The following ERICH5 variants were observed in gnomAD, a reference collection of about 807,000 sequenced individuals.
The protein encoded by ERICH5 is glutamate-rich protein 5.
In ERICH5, 24 loss-of-function variants were observed where a neutral mutation model predicts 28.0. The observed-to-expected ratio is 0.86, with a 90% CI of 0.62 to 1.21. The LOEUF is 1.21. ERICH5 is among the 50% of genes most tolerant of loss of function. The pLI, the probability that ERICH5 is intolerant of heterozygous loss-of-function variation, is 0.00. For missense variants in ERICH5, 421 were observed against 441.2 expected, an observed-to-expected ratio of 0.95 and a Z score of 0.41; for synonymous variants, 163 against 157.6, an observed-to-expected ratio of 1.03 and a Z score of -0.25.
intron 2 of ERICH5, among the ~76,000 whole-genome samples, chr8:98,091,960 CTTTTT>C (rs1563759747): frequency 1.2e-5 from 1 of 81,480 alleles, no homozygotes; most frequent in African/African-American, 4.3e-5. Context: ...TTCTTTCTTT[CTTTTT>C]TCTTTCTTTT....
At chr8:98,086,402 G>A (rs1815280202) in intron 1 of ERICH5, among the ~76,000 whole-genome samples, 1 of 152,182 alleles carries the variant, frequency 6.6e-6, no homozygotes, top group Non-Finnish European at 1.5e-5. Context: ...TTGATAGGCT[G>A]TTTGATATGA....
chr8:98,091,836 TTTTC>T (rs3074382), intron 2 of ERICH5, among the ~76,000 whole-genome samples: 6,015 of 106,960 alleles, frequency 0.056, 291 homozygotes, highest in Non-Finnish European at 0.06. Context: ...TTCTTTTTCT[TTTTC>T]TTTCTTTCTT....
chr8:98,074,807 G>T (rs1210096297), intron 1 of ERICH5, among the ~76,000 whole-genome samples: 2 of 152,102 alleles, frequency 1.3e-5, no homozygotes, highest in African/African-American at 2.4e-5. Flanking sequence ...CACAATTAAT[G>T]AACCAAATCT....
Position 98,064,659 on chromosome 8 carries a change from C to A in ERICH5, c.-11C>A, listed in dbSNP as rs1216187635. ...CGCGCAGGGCTGAGACAGGTGTCTG[C>A]GCTCCCCGCAATGGGCTGCTCCAGC... is the stretch of plus-strand genomic sequence containing the variant. On this transcript the variant is annotated 5_prime_UTR_variant, in exon 1 of 3. Transcript: ENST00000318528. 2 of 1,526,016 alleles carry A rather than the reference C, an allele frequency of 1.3e-6. No individual in the cohort carries two copies. Among genetic ancestry groups the A allele is most frequent in the African/African-American group, 1.4e-5 (1 of 72,750 alleles). 94.5% of individuals were successfully genotyped at this position (1,526,016 alleles called of 1,614,324 possible). A position where few individuals can be genotyped will look rare whatever the true frequency, so the allele number is the denominator to read the frequency against.
In ERICH5 at chr8:98,073,432, CTATATATATATATA is replaced by C. The variant is rs1185025027; in HGVS notation, c.58+8719_58+8732del. 1.3e-4 allele frequency among the ~76,000 whole-genome samples: 2 copies of C among 15,040 alleles called. 1 individual carries two copies. Among genetic ancestry groups the C allele is most frequent in the African/African-American group, 4.9e-4 (2 of 4,050 alleles). The allele number at this position is 15,040 out of a possible 152,430, so 9.9% of individuals were successfully genotyped here. ...TCTCTCTCTCTCTCTCTCTCTCTCT[CTATATATATATATA>C]TATATATATATATGTATATATATAT... On this transcript the variant is annotated intron_variant, in intron 1 of 2. Coordinates refer to ENST00000318528, the MANE Select transcript of ERICH5 (RefSeq NM_173549.3).
intron 1 of ERICH5, among the ~76,000 whole-genome samples, chr8:98,066,987 A>G (rs7006203): frequency 0.055 from 8,304 of 152,292 alleles, 718 homozygotes; most frequent in African/African-American, 0.18. Flanking sequence ...TTGGCATATA[A>G]TAGGTCCTCA....
intron 1 of ERICH5, among the ~76,000 whole-genome samples, chr8:98,068,080 C>T (rs899355493): frequency 5.3e-5 from 8 of 151,962 alleles, no homozygotes. Context: ...TGGTCTTGAA[C>T]TTCCAAGCTC....
At chr8:98,069,803 T>C (rs1220381566) in intron 1 of ERICH5, among the ~76,000 whole-genome samples, 2 of 152,142 alleles carry the variant, frequency 1.3e-5, no homozygotes, top group African/African-American at 2.4e-5. Flanking sequence ...TCTGTAAGAC[T>C]TGAAGCAGTT....
chr8:98,076,017 C>T (rs1815046717), intron 1 of ERICH5, among the ~76,000 whole-genome samples: 1 of 151,894 alleles, frequency 6.6e-6, no homozygotes, highest in Non-Finnish European at 1.5e-5. Flanking sequence ...TGAGGTGGGT[C>T]TGTCCACCCC....
Position 98,085,317 on chromosome 8 carries a change from C to T in ERICH5, c.59-3759C>T, listed in dbSNP as rs564652652. Among the ~76,000 whole-genome samples, 32 of 151,940 alleles carry T rather than the reference C, an allele frequency of 2.1e-4. No homozygotes were observed. In the East Asian group the frequency reaches 5.8e-3, roughly 28 times the overall value. On this transcript the variant is annotated intron_variant, in intron 1 of 2. Transcript: ENST00000318528. ...CTGGGACTGCAGGCGCCCGCCACCA[C>T]GCCCTGCTAATTTTTTTTTGTATTT...
intron 2 of ERICH5, among the ~76,000 whole-genome samples, chr8:98,091,788 A>G (rs1815386869): frequency 6.6e-6 from 1 of 151,812 alleles, no homozygotes; most frequent in African/African-American, 2.4e-5. Flanking sequence ...CCCCTGGACC[A>G]CCCTTTGATT....
chr8:98,070,660 CAAAAAA>C (rs769042472), intron 1 of ERICH5, among the ~76,000 whole-genome samples: 9 of 38,746 alleles, frequency 2.3e-4, no homozygotes, highest in African/African-American at 6.3e-4. Context: ...AACTGCATCT[CAAAAAA>C]AAAAAAAAAA....
At chr8:98,079,145 A>G (rs1815118775) in intron 1 of ERICH5, among the ~76,000 whole-genome samples, 1 of 127,920 alleles carries the variant, frequency 7.8e-6, no homozygotes, top group Non-Finnish European at 1.6e-5. Context: ...CAGGGACCAC[A>G]TTTTCCTCTT....
intron 2 of ERICH5, among the ~76,000 whole-genome samples, chr8:98,092,860 C>T (rs1815431311): frequency 6.7e-6 from 1 of 149,846 alleles, no homozygotes. Context: ...ACTGCAACTT[C>T]TGCCTCCCGG....
At chr8:98,091,836 T>TTTTCTTTCTTTTTCTTTCTTTC (rs1815390456) in intron 2 of ERICH5, among the ~76,000 whole-genome samples, 1 of 107,226 alleles carries the variant, frequency 9.3e-6, no homozygotes, top group African/African-American at 3.7e-5. Context: ...TTCTTTTTCT[T>TTTTCTTTCTTTTTCTTTCTTTC]TTTCTTTCTT....
chr8:98,085,654 T>A lies in ERICH5; in HGVS notation c.59-3422T>A, dbSNP rs984199318. Among the ~76,000 whole-genome samples the A allele has an allele frequency of 3.3e-5, 5 of 152,182 alleles. 1 individual carries two copies. The South Asian group carries it at 6.2e-4, about 19-fold the overall frequency. On this transcript the variant is annotated intron_variant, in intron 1 of 2. Coordinates refer to ENST00000318528, the MANE Select transcript of ERICH5 (RefSeq NM_173549.3). ...GGTGCATGTATATTTATTTAACTTT[T>A]AAAAAAAGTCCTGCTAGAAATTCTT...
intron 1 of ERICH5, among the ~76,000 whole-genome samples, chr8:98,070,332 T>G (rs2444866): frequency 0.088 from 13,412 of 151,990 alleles, 748 homozygotes; most frequent in East Asian, 0.19. Context: ...TACTCCAGCC[T>G]GGGCAACACA....
intron 1 of ERICH5, among the ~76,000 whole-genome samples, chr8:98,079,719 T>C (rs769583844): frequency 3.9e-5 from 6 of 152,158 alleles, no homozygotes; most frequent in Non-Finnish European, 8.8e-5. Context: ...TTTGTATTTT[T>C]AGTAGAGACG....
chr8:98,085,536 T>G (rs1287275520), intron 1 of ERICH5, among the ~76,000 whole-genome samples: 1 of 150,490 alleles, frequency 6.6e-6, no homozygotes. Context: ...CTGTTACAAA[T>G]AAAGATGCTA....
Sources: gnomAD v4.1 joint callset for allele counts (sites outside exome capture counted in the v4.1 genomes callset) on GRCh38, gnomAD v4.1.1 for gene constraint, MANE v1.5 for transcripts, NCBI Gene and HGNC (gene_info 2026-07-23, HGNC 2026-07-21) for gene names.